The following COL21A1 variants were observed in gnomAD, a reference collection of about 807,000 sequenced individuals.
The protein encoded by COL21A1 is collagen alpha-1(XXI) chain.
COL21A1 carries 149 observed loss-of-function variants against 137.9 expected under a neutral mutation model. That is an observed-to-expected ratio of 1.08 (90% confidence interval 0.95 to 1.24). COL21A1 has a LOEUF of 1.24. COL21A1 is among the 50% of genes most tolerant of loss of function. The pLI, the probability that COL21A1 is intolerant of heterozygous loss-of-function variation, is 0.00. For missense variants in COL21A1, 1,167 were observed against 1,158.4 expected (o/e 1.01, Z -0.11); for synonymous variants, 456 against 391.5 (o/e 1.16, Z -1.95).
intron 1 of COL21A1, among the ~76,000 whole-genome samples, chr6:56,243,639 A>G (rs996167739): frequency 7.9e-5 from 12 of 152,192 alleles, no homozygotes; most frequent in Non-Finnish European, 1.2e-4. Flanking sequence ...AGAACTTCAC[A>G]TATGTTAACT....
intron 17 of COL21A1, among the ~76,000 whole-genome samples, chr6:56,098,576 A>AAT (rs1202298009): frequency 1.7e-3 from 13 of 7,752 alleles, no homozygotes; most frequent in East Asian, 7.2e-3. Context: ...AATATATATA[A>AAT]ATATATATAA....
chr6:56,193,632 A>T (rs1778837072), intron 1 of COL21A1, among the ~76,000 whole-genome samples: 1 of 152,202 alleles, frequency 6.6e-6, no homozygotes, highest in Non-Finnish European at 1.5e-5. Context: ...CAGATGTGTT[A>T]TATCTGTATA....
intron 3 of COL21A1, among the ~76,000 whole-genome samples, chr6:56,173,417 G>A (rs1777215151): frequency 6.6e-6 from 1 of 151,120 alleles, no homozygotes; most frequent in African/African-American, 2.4e-5. Flanking sequence ...GGAAAGAAAG[G>A]GAAGGGAAGG....
intron 12 of COL21A1, 24 bp from the exon 13 acceptor site, chr6:56,126,173 T>G (rs750107512): frequency 6.6e-7 from 1 of 1,509,214 alleles, no homozygotes; most frequent in South Asian, 1.2e-5. Context: ...TGAAATTAAT[T>G]ACAAAGAAAA....
chr6:56,336,013 C>A (rs1202156944), intron 1 of COL21A1, among the ~76,000 whole-genome samples: 1 of 152,182 alleles, frequency 6.6e-6, no homozygotes, highest in East Asian at 1.9e-4. Context: ...ATAATGAGGA[C>A]AACAGACAAG....
intron 1 of COL21A1, among the ~76,000 whole-genome samples, chr6:56,242,606 T>A (rs1242707561): frequency 6.6e-6 from 1 of 152,166 alleles, no homozygotes; most frequent in East Asian, 1.9e-4. Context: ...AGCTTGGACT[T>A]CAGAAAATTG....
At chr6:56,337,445 A>G (rs7739952) in intron 1 of COL21A1, among the ~76,000 whole-genome samples, 33,224 of 152,232 alleles carry the variant, frequency 0.22, 4,168 homozygotes, top group African/African-American at 0.35. Flanking sequence ...GTCACACCAC[A>G]CTAAAAACTA....
At chr6:56,117,109 A>T (rs1404439552) in intron 16 of COL21A1, among the ~76,000 whole-genome samples, 1 of 152,062 alleles carries the variant, frequency 6.6e-6, no homozygotes, top group Non-Finnish European at 1.5e-5. Flanking sequence ...AAATAATAAC[A>T]TTTAATGTAA....
chr6:56,127,948 C>T (rs902653129), intron 12 of COL21A1, among the ~76,000 whole-genome samples: 3 of 152,086 alleles, frequency 2.0e-5, no homozygotes, highest in East Asian at 1.9e-4. Context: ...TGCCCATAAA[C>T]GTGGACATCC....
At chr6:56,198,020 G>T (rs1307354639) in intron 1 of COL21A1, among the ~76,000 whole-genome samples, 1 of 152,074 alleles carries the variant, frequency 6.6e-6, no homozygotes, top group African/African-American at 2.4e-5. Context: ...CACTCACACA[G>T]GAGAGAATAC....
chr6:56,315,777 C>T (rs1360622893), intron 1 of COL21A1, among the ~76,000 whole-genome samples: 3 of 150,108 alleles, frequency 2.0e-5, no homozygotes, highest in African/African-American at 4.9e-5. Context: ...TTCTCTATTC[C>T]CCATGAAAAG....
rs1213328064 is a variant in COL21A1, at chr6:56,361,283, C to T, written c.-39+32688G>A. Among the ~76,000 whole-genome samples, 7 of 152,088 alleles carry T rather than the reference C, an allele frequency of 4.6e-5. No homozygotes were observed. In the East Asian group the frequency reaches 5.8e-4, roughly 13 times the overall value. On this transcript the variant is annotated intron_variant, in intron 1 of 28. Transcript: ENST00000370819. ...TCAAAAGCAGAGCCAGTGGGATGTC[C>T]GTCTCCTGAGTTTCTTCCATGTCAT...
At chr6:56,151,793 C>T (rs1483286781) in intron 10 of COL21A1, among the ~76,000 whole-genome samples, 1 of 152,214 alleles carries the variant, frequency 6.6e-6, no homozygotes, top group Non-Finnish European at 1.5e-5. Context: ...GCCCCACCCA[C>T]ACCTACCCAC....
At chr6:56,305,437 T>C (rs993003437) in intron 1 of COL21A1, among the ~76,000 whole-genome samples, 5 of 152,180 alleles carry the variant, frequency 3.3e-5, no homozygotes, top group Non-Finnish European at 7.4e-5. Context: ...TGCATATATA[T>C]TTAGGATAGT....
At chr6:56,348,201 T>C (rs1389581024) in intron 1 of COL21A1, among the ~76,000 whole-genome samples, 1 of 152,150 alleles carries the variant, frequency 6.6e-6, no homozygotes, top group Non-Finnish European at 1.5e-5. Context: ...GAAATCTGCT[T>C]TCTTCCCTTA....
intron 1 of COL21A1, among the ~76,000 whole-genome samples, chr6:56,323,997 G>A (rs113993043): frequency 7.9e-5 from 12 of 152,100 alleles, no homozygotes; most frequent in African/African-American, 2.9e-4. Flanking sequence ...TCATTTTATG[G>A]GATATTATAA....
intron 1 of COL21A1, among the ~76,000 whole-genome samples, chr6:56,204,195 G>A (rs1184362578): frequency 6.6e-6 from 1 of 152,096 alleles, no homozygotes; most frequent in Non-Finnish European, 1.5e-5. Context: ...AGCTCCGTGG[G>A]TCGCTCCCCC....
intron 1 of COL21A1, among the ~76,000 whole-genome samples, chr6:56,274,457 C>T (rs1015811598): frequency 1.3e-5 from 2 of 152,140 alleles, no homozygotes. Flanking sequence ...TGATTCTGTA[C>T]ATAGAAAACT....
chr6:56,253,556 T>C (rs1340110465), intron 1 of COL21A1, among the ~76,000 whole-genome samples: 1 of 152,220 alleles, frequency 6.6e-6, no homozygotes, highest in African/African-American at 2.4e-5. Flanking sequence ...CTGACATCAT[T>C]AGAGTAGCTA....
Sources: gnomAD v4.1 joint callset for allele counts (sites outside exome capture counted in the v4.1 genomes callset) on GRCh38, gnomAD v4.1.1 for gene constraint, MANE v1.5 for transcripts, NCBI Gene and HGNC (gene_info 2026-07-23, HGNC 2026-07-21) for gene names.